LRP1: variants seen among roughly 807,000 people sequenced by gnomAD.
The protein encoded by LRP1 is LDL receptor related protein 1, also known as prolow-density lipoprotein receptor-related protein 1.
LRP1 carries 51 observed loss-of-function variants against 541.5 expected under a neutral mutation model. The observed-to-expected ratio is 0.09, with a 90% CI of 0.08 to 0.12. The LOEUF is 0.12. Ranked by LOEUF, LRP1 falls within the 10% of genes least tolerant of loss-of-function variation. The pLI is 1.00. For missense variants in LRP1, 3,878 were observed against 6,376.2 expected (o/e 0.61, Z 13.34); for synonymous variants, 2,219 against 2,470.8 (o/e 0.90, Z 3.02).
chr12:57,201,840 C>T lies in LRP1; in HGVS notation c.10529C>T (p.Ala3510Val), dbSNP rs543562619. The T allele has an allele frequency of 1.7e-5, 28 of 1,613,952 alleles. No individual in the cohort carries two copies. The highest frequency in any genetic ancestry group is 3.3e-5 in the Admixed American group (2 of 60,002). Residue 3510 changes from alanine to valine, a missense_variant, in exon 67 of 89, where the codon GCG (alanine) becomes GTG (valine). Coordinates refer to ENST00000243077, the MANE Select transcript of LRP1 (RefSeq NM_002332.3). The surrounding 1 kb of genome is among the most constrained non-coding windows in gnomAD (Gnocchi z 6.4). ...RCKDSGRCIPARWKCDGEDDC... is the reference protein window; with the variant it reads ...RCKDSGRCIPVRWKCDGEDDC... Reference sequence around the variant, plus strand: ...AAGGATTCGGGCCGCTGCATCCCAGCGCGTTGGAAGTGTGACGGAGAGGAT... The same window carrying T: ...AAGGATTCGGGCCGCTGCATCCCAGTGCGTTGGAAGTGTGACGGAGAGGAT...
Position 57,179,187 on chromosome 12 carries a change from G to A in LRP1, c.4739-142G>A. The A allele has an allele frequency of 8.4e-7, 1 of 1,188,264 alleles. No individual in the cohort carries two copies. Among genetic ancestry groups the A allele is most frequent in the Admixed American group, 2.2e-5 (1 of 45,934 alleles). 73.6% of individuals were successfully genotyped at this position (1,188,264 alleles called of 1,614,324 possible). ...AGAAGGGGCTGCAGGTCTGCCAGGG[G>A]GGCTGCACCCAGCGGGGTATGTCCA... is the stretch of plus-strand genomic sequence containing the variant. On this transcript the variant is annotated intron_variant, in intron 28 of 88. Coordinates refer to ENST00000243077, the MANE Select transcript of LRP1 (RefSeq NM_002332.3). This position sits in a 1 kb window ranked among gnomAD's most constrained non-coding sequence, Gnocchi z 6.8.
At chr12:57,152,239 G>A (rs78438401) in intron 6 of LRP1, among the ~76,000 whole-genome samples, 5,920 of 152,098 alleles carry the variant, frequency 0.039, 312 homozygotes, top group African/African-American at 0.11. Flanking sequence ...GCAGGGGCAG[G>A]GTATTGCCAG....
At chr12:57,129,306 A>G (rs1026458263) in intron 1 of LRP1, among the ~76,000 whole-genome samples, 5 of 151,976 alleles carry the variant, frequency 3.3e-5, no homozygotes. Context: ...GATCCTGGGG[A>G]GGAGAGGCCT....
rs1270401299 is a variant in LRP1, at chr12:57,138,547, C to G, written c.156C>G (p.Asp52Glu). 6.2e-7 allele frequency: 1 copy of G among 1,614,112 alleles called. No homozygotes were observed. The highest frequency in any genetic ancestry group is 8.5e-7 in the Non-Finnish European group (1 of 1,179,976). Residue 52 changes from aspartate (D) to glutamate (E), a missense_variant, in exon 2 of 89, where the codon GAC becomes GAG. Coordinates refer to ENST00000243077, the MANE Select transcript of LRP1 (RefSeq NM_002332.3). Reference sequence around the variant, plus strand: ...GCTGGCGGTGCGACGGTGAGAGGGACTGCCCAGACGGATCTGACGAGGCCC... The same window carrying G: ...GCTGGCGGTGCGACGGTGAGAGGGAGTGCCCAGACGGATCTGACGAGGCCC... ...SKGWRCDGER[D>E]CPDGSDEAPE...
At position 57,175,986 on chromosome 12, in the gene LRP1, G is replaced by A. The variant is rs1383344880; in HGVS notation, c.3871G>A (p.Val1291Ile). 7 of 1,614,104 alleles carry A rather than the reference G, an allele frequency of 4.3e-6. No homozygotes were observed. Among genetic ancestry groups the A allele is most frequent in the Non-Finnish European group, 5.9e-6 (7 of 1,180,056 alleles). ...CGATCTTCACAAAGGAGACTACAGC[G>A]TCCTGGTGCCCGGCCTGCGCAACAC... ...RIDLHKGDYS[V>I]LVPGLRNTIA... The change falls in exon 24 of 89, where the codon GTC becomes ATC. Residue 1291 changes from valine to isoleucine, a missense_variant. Physicochemically the swap from Val to Ile is conservative, Grantham distance 29. Transcript: ENST00000243077.
In LRP1 at chr12:57,173,688, A is replaced by T; in HGVS notation, c.3347-92A>T. 1 of 1,366,818 alleles carries T rather than the reference A, an allele frequency of 7.3e-7. No individual in the cohort carries two copies. The highest frequency in any genetic ancestry group is 1.8e-4 in the Middle Eastern group (1 of 5,528). 84.7% of individuals were successfully genotyped at this position (1,366,818 alleles called of 1,614,324 possible). ...TGGACCCCACAGCGTTGCAATCCTGACCCTATTAGAGAAGCCCACAGGGTC... is the reference window on the plus strand; with the variant it reads ...TGGACCCCACAGCGTTGCAATCCTGTCCCTATTAGAGAAGCCCACAGGGTC... On this transcript the variant is annotated intron_variant, in intron 21 of 88. Coordinates refer to ENST00000243077, the MANE Select transcript of LRP1 (RefSeq NM_002332.3). The surrounding 1 kb of genome is among the most constrained non-coding windows in gnomAD (Gnocchi z 4.7).
In LRP1 at chr12:57,206,659, A is replaced by T; in HGVS notation, c.11777A>T (p.Tyr3926Phe). Reference protein sequence around the residue: ...WTNWHTGTISYRSLPPAAPPT... With the variant: ...WTNWHTGTISFRSLPPAAPPT... ...AACTGGCACACGGGCACCATCTCCT[A>T]CCGCAGCCTGCCACCTGCTGCGCCT... The change falls in exon 76 of 89, where the codon TAC becomes TTC. Residue 3926 changes from tyrosine to phenylalanine, a missense_variant. Transcript: ENST00000243077. This position sits in a 1 kb window ranked among gnomAD's most constrained non-coding sequence, Gnocchi z 4.7. 1 of 1,613,844 alleles carries T rather than the reference A, an allele frequency of 6.2e-7. No homozygotes were observed.
In LRP1 at chr12:57,177,408, A is replaced by G; in HGVS notation, c.4197-19A>G. 6.3e-7 allele frequency: 1 copy of G among 1,576,616 alleles called. No individual in the cohort carries two copies. On this transcript the variant is annotated intron_variant, in intron 25 of 88. Coordinates refer to ENST00000243077, the MANE Select transcript of LRP1 (RefSeq NM_002332.3). The surrounding 1 kb of genome is among the most constrained non-coding windows in gnomAD (Gnocchi z 6.8). Reference sequence around the variant, plus strand: ...GAGGGCCCTGACTTTAGCCCTCCTGACCCCTCCCCACTCCCCAGGATCCTG... The same window carrying G: ...GAGGGCCCTGACTTTAGCCCTCCTGGCCCCTCCCCACTCCCCAGGATCCTG...
Position 57,206,642 on chromosome 12 carries a change from C to A in LRP1, c.11760C>A (p.His3920Gln). ...KAGRVYWTNW[H>Q]TGTISYRSLP... is the part of the protein sequence containing the mutation. ...GCCGTGTCTATTGGACCAACTGGCA[C>A]ACGGGCACCATCTCCTACCGCAGCC... Residue 3920 changes from histidine (H) to glutamine (Q), a missense_variant, in exon 76 of 89, where the codon CAC becomes CAA. His to Gln is a conservative substitution (Grantham distance 24, BLOSUM62 0). This residue lies in a region of LRP1 where 871 missense variants were observed against 1,212.4 expected (regional missense o/e 0.72). Transcript: ENST00000243077. The surrounding 1 kb of genome is among the most constrained non-coding windows in gnomAD (Gnocchi z 4.7). The A allele has an allele frequency of 6.2e-7, 1 of 1,614,076 alleles. No individual in the cohort carries two copies. The highest frequency in any genetic ancestry group is 8.5e-7 in the Non-Finnish European group (1 of 1,180,032).
chr12:57,148,485 A>G (rs1379175941), intron 6 of LRP1, among the ~76,000 whole-genome samples: 1 of 152,012 alleles, frequency 6.6e-6, no homozygotes, highest in Non-Finnish European at 1.5e-5. Flanking sequence ...CCAGAGGCCT[A>G]TGGAGCCTGT....
rs768095171 is a variant in LRP1 at position 57,162,140 on chromosome 12, C to T, written c.2203-177C>T. Among the ~76,000 whole-genome samples, 2 of 152,152 alleles carry T rather than the reference C, an allele frequency of 1.3e-5. No individual in the cohort carries two copies. The highest frequency in any genetic ancestry group is 2.4e-5 in the African/African-American group (1 of 41,416). On this transcript the variant is annotated intron_variant, in intron 13 of 88. Transcript: ENST00000243077. This position sits in a 1 kb window ranked among gnomAD's most constrained non-coding sequence, Gnocchi z 5.2. ...GGATCACTCGATCACCCGCTGGCTT[C>T]AGGATCTACCATCCCACTGTGTGCA... is the stretch of plus-strand genomic sequence containing the variant.
At chr12:57,171,996 CT>C (rs1177548528) in intron 20 of LRP1, among the ~76,000 whole-genome samples, 1 of 152,006 alleles carries the variant, frequency 6.6e-6, no homozygotes, top group African/African-American at 2.4e-5. Context: ...ACCCCTACCC[CT>C]CTGACCTGCA....
chr12:57,204,462 G>A lies in LRP1; in HGVS notation c.11004G>A (p.Pro3668=), dbSNP rs377096781. 1.2e-5 allele frequency: 19 copies of A among 1,570,508 alleles called. No individual in the cohort carries two copies. Among genetic ancestry groups the A allele is most frequent in the African/African-American group, 1.1e-4 (8 of 74,054 alleles). ...EFQCNNTLCK[P]LAWKCDGEDD... is the part of the protein sequence containing the mutation. ...AGTGCAACAACACCTTGTGCAAGCC[G>A]CTGGCCTGGAAGTGCGATGGCGAGG... Residue 3668 remains proline, a synonymous_variant, in exon 71 of 89, where the codon CCG becomes CCA. Coordinates refer to ENST00000243077, the MANE Select transcript of LRP1 (RefSeq NM_002332.3). This position sits in a 1 kb window ranked among gnomAD's most constrained non-coding sequence, Gnocchi z 5.3.
In LRP1 at chr12:57,204,957, C is replaced by A; in HGVS notation, c.11195-152C>A. 7.4e-7 allele frequency: 1 copy of A among 1,347,684 alleles called. No individual in the cohort carries two copies. The highest frequency in any genetic ancestry group is 1.5e-5 in the African/African-American group (1 of 68,400). The allele number at this position is 1,347,684 out of a possible 1,614,324, so 83.5% of individuals were successfully genotyped here. A position where few individuals can be genotyped will look rare whatever the true frequency, so the allele number is the denominator to read the frequency against. On this transcript the variant is annotated intron_variant, in intron 72 of 88. Coordinates refer to ENST00000243077, the MANE Select transcript of LRP1 (RefSeq NM_002332.3). This position sits in a 1 kb window ranked among gnomAD's most constrained non-coding sequence, Gnocchi z 5.3. ...CTGGGGGCTGCCTGATGCCTTAGGT[C>A]TTGGAGGTGGGGCTGGGAACCCAAA...
chr12:57,150,514 C>A (rs1162506391), intron 6 of LRP1, among the ~76,000 whole-genome samples: 1 of 152,142 alleles, frequency 6.6e-6, no homozygotes, highest in Non-Finnish European at 1.5e-5. Context: ...TCTAATAGGG[C>A]AAGCTTCCTT....
chr12:57,194,736 C>G (rs1455687412), intron 50 of LRP1, 37 bp downstream of exon 50: 1 of 1,519,622 alleles, frequency 6.6e-7, no homozygotes, highest in East Asian at 2.3e-5. Context: ...GCTCCAAGAG[C>G]CTGCTGGGCC....
At position 57,195,374 on chromosome 12, in the gene LRP1, A is replaced by G. The variant is rs769485182; in HGVS notation, c.8412A>G (p.Ala2804=). 8.7e-6 allele frequency: 14 copies of G among 1,609,432 alleles called. No homozygotes were observed. The highest frequency in any genetic ancestry group is 5.0e-5 in the Admixed American group (3 of 60,022). ...GTGACAAAGACTGTGCTGATGGTGC[A>G]GACGAGAGCATCGCAGCTGGTTGCT... The part of the protein sequence containing the change: ...CDGDKDCADG[A]DESIAAGCLY... The change falls in exon 52 of 89, where the codon GCA becomes GCG. Residue 2804 remains alanine (A), a synonymous_variant. Coordinates refer to ENST00000243077, the MANE Select transcript of LRP1 (RefSeq NM_002332.3).
At chr12:57,159,149 T>C (rs886696960) in intron 11 of LRP1, among the ~76,000 whole-genome samples, 9 of 152,224 alleles carry the variant, frequency 5.9e-5, no homozygotes, top group Admixed American at 4.6e-4. Context: ...TTTTAATGTC[T>C]ATGTGAAGGA....
chr12:57,135,289 G>A (rs2035133803), intron 1 of LRP1, among the ~76,000 whole-genome samples: 1 of 152,210 alleles, frequency 6.6e-6, no homozygotes, highest in African/African-American at 2.4e-5. Flanking sequence ...TTTGACCTTA[G>A]GGCAATGTTG....
Sources: gnomAD v4.1 joint callset for allele counts (sites outside exome capture counted in the v4.1 genomes callset) on GRCh38, gnomAD v4.1.1 for gene constraint, gnomAD v4.1.1 regional missense constraint, Gnocchi (gnomAD v3.1) non-coding constraint, MANE v1.5 for transcripts, NCBI Gene and HGNC (gene_info 2026-07-23, HGNC 2026-07-21) for gene names.